CDYL: variants seen among roughly 807,000 people sequenced by gnomAD.
CDYL encodes the protein chromodomain Y-like protein.
Under a neutral mutation model 47.3 loss-of-function variants are expected in CDYL, and 8 were observed. The observed-to-expected ratio is 0.17, with a 90% CI of 0.10 to 0.31. The LOEUF is 0.31. CDYL is among the 10% of genes least tolerant of loss of function. The pLI is 1.00. For missense variants in CDYL, 471 were observed against 701.4 expected (o/e 0.67, Z 3.71); for synonymous variants, 266 against 265.0 (o/e 1.00, Z -0.04).
Position 4,937,677 on chromosome 6 carries a change from T to G in CDYL, c.1061T>G (p.Phe354Cys), listed in dbSNP as rs1758239343. 1 of 1,614,144 alleles carries G rather than the reference T, an allele frequency of 6.2e-7. No individual in the cohort carries two copies. Among genetic ancestry groups the G allele is most frequent in the Non-Finnish European group, 8.5e-7 (1 of 1,180,000 alleles). Residue 354 changes from phenylalanine (F) to cysteine (C), a missense_variant, in exon 4 of 7, where the codon TTT (phenylalanine) becomes TGT (cysteine). Phe to Cys is a radical substitution (Grantham distance 205). This residue lies in a region of CDYL where 103 missense variants were observed against 277.1 expected (regional missense o/e 0.37). Coordinates refer to ENST00000397588, the MANE Select transcript of CDYL (RefSeq NM_004824.4). ...TGTTGTGGACTTGACTTTATTTATT[T>G]TATACGACGTCTGACAGATGACAGG... ...VFCCGLDFIY[F>C]IRRLTDDRKR...
At chr6:4,770,921 A>G (rs1758328653) in intron 3 of CDYL, among the ~76,000 whole-genome samples, 1 of 152,224 alleles carries the variant, frequency 6.6e-6, no homozygotes, top group South Asian at 2.1e-4. Flanking sequence ...TAAGAAATAC[A>G]TTTTACATTA....
intron 5 of CDYL, among the ~76,000 whole-genome samples, chr6:4,948,672 A>C (rs1360175760): frequency 6.6e-6 from 1 of 152,130 alleles, no homozygotes; most frequent in Non-Finnish European, 1.5e-5. Flanking sequence ...CCCTGCATGT[A>C]GCCCCCACAG....
upstream of CDYL, chr6:4,775,168 G>C (rs116930129): frequency 0.018 from 2,690 of 153,194 alleles, 46 homozygotes; most frequent in African/African-American, 0.041. The surrounding 1 kb of genome is among the most constrained non-coding windows in gnomAD (Gnocchi z 7.0). Context: ...CCCGAAGGAT[G>C]CCCGGGGAGA....
In CDYL at chr6:4,724,147, T is replaced by C. The variant is rs547725043; in HGVS notation, c.103+8266T>C. Among the ~76,000 whole-genome samples the C allele has an allele frequency of 1.2e-4, 19 of 152,256 alleles. No homozygotes were observed. In the South Asian group the frequency reaches 3.9e-3, roughly 32 times the overall value. On this transcript the variant is annotated intron_variant, in intron 2 of 8. Transcript: ENST00000328908. ...CCTTGACCTCCTGGGTTCAAATGAT[T>C]CTCCTGCCTCAGCTTCCGAAGTAGC...
intron 1 of CDYL, among the ~76,000 whole-genome samples, chr6:4,808,832 A>G (rs556833052): frequency 1.1e-4 from 16 of 152,062 alleles, no homozygotes; most frequent in African/African-American, 1.9e-4. Context: ...ACCTCCTTCA[A>G]TGTGGTTATT....
intron 3 of CDYL, among the ~76,000 whole-genome samples, chr6:4,936,127 T>TGGTTTA (rs973326590): frequency 2.0e-5 from 3 of 152,228 alleles, no homozygotes; most frequent in African/African-American, 7.2e-5. Flanking sequence ...GCACGCGCTT[T>TGGTTTA]GCTTTAGCTT....
At chr6:4,803,591 G>A (rs754950052) in intron 1 of CDYL, among the ~76,000 whole-genome samples, 5 of 152,082 alleles carry the variant, frequency 3.3e-5, no homozygotes, top group Non-Finnish European at 7.3e-5. Context: ...CCTTTCACTT[G>A]AGAGTGTAGC....
At chr6:4,886,265 G>A (rs994251881) in intron 1 of CDYL, among the ~76,000 whole-genome samples, 2 of 152,184 alleles carry the variant, frequency 1.3e-5, no homozygotes, top group Non-Finnish European at 2.9e-5. Flanking sequence ...ACCTAGGAGT[G>A]GAGTTGCTGG....
At chr6:4,894,798 A>G (rs960979097) in intron 2 of CDYL, among the ~76,000 whole-genome samples, 1 of 149,590 alleles carries the variant, frequency 6.7e-6, no homozygotes, top group East Asian at 1.9e-4. Flanking sequence ...TTAGGAGGCC[A>G]TAGATCTGTG....
chr6:4,821,449 T>C (rs913693019), intron 1 of CDYL, among the ~76,000 whole-genome samples: 4 of 151,874 alleles, frequency 2.6e-5, no homozygotes, highest in African/African-American at 9.7e-5. Context: ...AAGCATTCCT[T>C]GTGGCCCGGC....
At chr6:4,730,674 C>CAAAAAAA (rs56956798) in intron 2 of CDYL, among the ~76,000 whole-genome samples, 3 of 60,456 alleles carry the variant, frequency 5.0e-5, no homozygotes, top group East Asian at 6.7e-4. Context: ...AATTCCATCT[C>CAAAAAAA]AAAAAAAAAA....
chr6:4,783,509 C>G (rs1018914793), intron 1 of CDYL, among the ~76,000 whole-genome samples: 2 of 151,708 alleles, frequency 1.3e-5, no homozygotes, highest in African/African-American at 4.9e-5. Flanking sequence ...CTCTGCCTCA[C>G]TGGTTCAAGT....
At chr6:4,752,283 T>C (rs1758006604) in intron 3 of CDYL, among the ~76,000 whole-genome samples, 1 of 152,162 alleles carries the variant, frequency 6.6e-6, no homozygotes, top group African/African-American at 2.4e-5. Context: ...CTTCCCAAGA[T>C]GAATGTTGTG....
intron 3 of CDYL, among the ~76,000 whole-genome samples, chr6:4,746,124 G>T (rs1451878984): frequency 2.0e-5 from 3 of 151,932 alleles, no homozygotes; most frequent in African/African-American, 4.8e-5. Flanking sequence ...CCAGCACTTT[G>T]GGAGGCTGAG....
At chr6:4,917,402 T>C (rs1581262609) in intron 2 of CDYL, among the ~76,000 whole-genome samples, 2 of 152,228 alleles carry the variant, frequency 1.3e-5, no homozygotes, top group East Asian at 3.8e-4. Flanking sequence ...GTTCTGCCGC[T>C]AGCTTCTTGT....
At chr6:4,710,917 C>CCACA (rs67002698) in intron 1 of CDYL, among the ~76,000 whole-genome samples, 24 of 149,614 alleles carry the variant, frequency 1.6e-4, no homozygotes, top group East Asian at 4.0e-4. Flanking sequence ...GGTGTTCTCA[C>CCACA]CACACACACA....
At chr6:4,922,257 ATC>A (rs1322165916) in intron 2 of CDYL, among the ~76,000 whole-genome samples, 1 of 152,098 alleles carries the variant, frequency 6.6e-6, no homozygotes, top group African/African-American at 2.4e-5. Context: ...TTGCCTCAGT[ATC>A]TGTGTCTCTG....
intron 3 of CDYL, among the ~76,000 whole-genome samples, chr6:4,751,626 C>T (rs1285220740): frequency 6.6e-6 from 1 of 152,152 alleles, no homozygotes; most frequent in East Asian, 1.9e-4. Flanking sequence ...CCTAGATTCC[C>T]ATAATACATC....
intron 1 of CDYL, among the ~76,000 whole-genome samples, chr6:4,789,436 G>T (rs570284226): frequency 4.6e-5 from 7 of 152,128 alleles, no homozygotes; most frequent in Admixed American, 4.6e-4. Flanking sequence ...TGGGCCCTCC[G>T]CACCACATCT....
Sources: allele counts gnomAD v4.1 joint callset (sites outside exome capture counted in the v4.1 genomes callset), GRCh38; gene constraint gnomAD v4.1.1; regional missense constraint gnomAD v4.1.1; non-coding constraint Gnocchi (gnomAD v3.1); transcripts MANE v1.5; gene names NCBI Gene and HGNC (gene_info 2026-07-23, HGNC 2026-07-21).